The following CHN2 variants were observed in gnomAD, a reference collection of about 807,000 sequenced individuals.
The protein encoded by CHN2 is chimerin 2.
Under a neutral mutation model 56.3 loss-of-function variants are expected in CHN2, and 35 were observed. That is an observed-to-expected ratio of 0.62 (90% CI 0.47 to 0.82). The LOEUF is 0.82. CHN2 is among the 40% of genes least tolerant of loss of function. The pLI, the probability that CHN2 is intolerant of heterozygous loss-of-function variation, is 0.00. For missense variants in CHN2, 491 were observed against 580.5 expected (o/e 0.85, Z 1.58); for synonymous variants, 210 against 212.8 (o/e 0.99, Z 0.12).
intron 8 of CHN2, 133 bp from the exon 9 acceptor site, chr7:29,499,734 G>A (rs960044669): frequency 2.7e-6 from 2 of 728,538 alleles, no homozygotes; most frequent in Non-Finnish European, 4.4e-6. Flanking sequence ...GAGAGTCCTA[G>A]AAACGGGATA....
At chr7:29,341,623 A>G (rs1232064561) in intron 1 of CHN2, among the ~76,000 whole-genome samples, 1 of 148,038 alleles carries the variant, frequency 6.8e-6, no homozygotes, top group Non-Finnish European at 1.5e-5. Context: ...GGAGAGAGGG[A>G]GGGGGGCATC....
chr7:29,354,651 T>C lies in CHN2; in HGVS notation c.76T>C (p.Trp26Arg). 1 of 1,612,092 alleles carries C rather than the reference T, an allele frequency of 6.2e-7. No homozygotes were observed. Among genetic ancestry groups the C allele is most frequent in the Non-Finnish European group, 8.5e-7 (1 of 1,179,248 alleles). Reference sequence around the variant, plus strand: ...TGCTGAAGAATACCAGCCTCCTATATGGAAATCATACTGTGAGTACCTGAA... The same window carrying C: ...TGCTGAAGAATACCAGCCTCCTATACGGAAATCATACTGTGAGTACCTGAA... Reference protein sequence around the residue: ...SDAEEYQPPIWKSYLYQLQQE... With the variant: ...SDAEEYQPPIRKSYLYQLQQE... Residue 26 changes from tryptophan (W) to arginine (R), a missense_variant, in exon 2 of 13, where the codon TGG becomes CGG. By Grantham distance (101) the Trp-to-Arg change is moderately radical. Coordinates refer to ENST00000222792, the MANE Select transcript of CHN2 (RefSeq NM_004067.4).
At chr7:29,404,864 C>T (rs1315171470) in intron 6 of CHN2, among the ~76,000 whole-genome samples, 1 of 151,344 alleles carries the variant, frequency 6.6e-6, no homozygotes, top group Non-Finnish European at 1.5e-5. Flanking sequence ...CGCATCCAGC[C>T]AAAAAAAGCT....
intron 1 of CHN2, among the ~76,000 whole-genome samples, chr7:29,217,283 T>C (rs1378714346): frequency 6.6e-6 from 1 of 152,242 alleles, no homozygotes; most frequent in African/African-American, 2.4e-5. Context: ...CTGCCATTGC[T>C]TCAACACAGT....
intron 1 of CHN2, chr7:29,334,550 T>C (rs1305253523): frequency 1.3e-5 from 2 of 150,960 alleles, no homozygotes; most frequent in East Asian, 2.0e-4. Flanking sequence ...AGCCCAGGAG[T>C]TCAAGACCAG....
intron 6 of CHN2, among the ~76,000 whole-genome samples, chr7:29,437,724 A>G (rs1415199186): frequency 2.8e-5 from 3 of 108,252 alleles, no homozygotes; most frequent in Non-Finnish European, 6.2e-5. Context: ...TTGCTTAGGG[A>G]AAAAAAAAAT....
intron 3 of CHN2, among the ~76,000 whole-genome samples, chr7:29,388,449 T>G (rs1217044536): frequency 6.6e-6 from 1 of 152,122 alleles, no homozygotes; most frequent in African/African-American, 2.4e-5. Flanking sequence ...TGACTGGCTG[T>G]CTGCGCCAGG....
At chr7:29,302,521 TTA>T (rs1173336018) in intron 1 of CHN2, among the ~76,000 whole-genome samples, 1 of 146,266 alleles carries the variant, frequency 6.8e-6, no homozygotes. Context: ...TTTTTTTTTT[TTA>T]AGAGATAGGG....
chr7:29,228,868 G>A (rs141756910), intron 1 of CHN2, among the ~76,000 whole-genome samples: 3 of 152,312 alleles, frequency 2.0e-5, no homozygotes, highest in African/African-American at 4.8e-5. Flanking sequence ...CAAAAAAATG[G>A]GCCTCTGGCG....
intron 2 of CHN2, among the ~76,000 whole-genome samples, chr7:29,367,629 A>G (rs910489439): frequency 1.3e-5 from 2 of 152,172 alleles, no homozygotes; most frequent in Non-Finnish European, 1.5e-5. Context: ...AGTCAAAAGA[A>G]TTTTAGCCAT....
At chr7:29,244,351 A>T (rs1181295184) in intron 1 of CHN2, among the ~76,000 whole-genome samples, 1 of 152,194 alleles carries the variant, frequency 6.6e-6, no homozygotes, top group African/African-American at 2.4e-5. Context: ...ACACAGAGGG[A>T]TGCACCAACC....
intron 1 of CHN2, among the ~76,000 whole-genome samples, chr7:29,276,374 G>T (rs2128854849): frequency 6.6e-6 from 1 of 152,278 alleles, no homozygotes; most frequent in South Asian, 2.1e-4. Context: ...GTCCCATGGG[G>T]CCTGGATATT....
chr7:29,177,976 A>G (rs1797578749), intron 2 of CHN2, among the ~76,000 whole-genome samples: 1 of 152,088 alleles, frequency 6.6e-6, no homozygotes, highest in Non-Finnish European at 1.5e-5. Context: ...TCACCATCAC[A>G]GCAAGTGGCA....
intron 1 of CHN2, among the ~76,000 whole-genome samples, chr7:29,285,491 G>A (rs1026827485): frequency 6.6e-6 from 1 of 152,188 alleles, no homozygotes; most frequent in African/African-American, 2.4e-5. Flanking sequence ...ATAAAATACG[G>A]CAAGCCTAGC....
intron 2 of CHN2, among the ~76,000 whole-genome samples, chr7:29,162,069 C>G (rs981801142): frequency 1.3e-5 from 2 of 152,206 alleles, no homozygotes; most frequent in African/African-American, 4.8e-5. Flanking sequence ...TCAGACATCG[C>G]TGGTGGCAAT....
intron 1 of CHN2, among the ~76,000 whole-genome samples, chr7:29,282,460 C>G (rs2128861146): frequency 6.6e-6 from 1 of 152,294 alleles, no homozygotes; most frequent in Non-Finnish European, 1.5e-5. Context: ...GTTACATTGA[C>G]AAACTAAATT....
intron 1 of CHN2, among the ~76,000 whole-genome samples, chr7:29,304,606 T>C (rs1438720991): frequency 6.6e-6 from 1 of 152,242 alleles, no homozygotes; most frequent in Admixed American, 6.5e-5. Context: ...ATACATTAAA[T>C]GTGCCATTTA....
rs188619582 is a variant in CHN2 at position 29,273,367 on chromosome 7, A to G, written c.49+78377A>G. On this transcript the variant is annotated intron_variant, in intron 1 of 12. Transcript: ENST00000222792. ...TGTATATATATATATATATATATATATATATATATATATATATATATACAC... is the reference window on the plus strand; with the variant it reads ...TGTATATATATATATATATATATATGTATATATATATATATATATATACAC... Among the ~76,000 whole-genome samples, 180 of 50,832 alleles carry G rather than the reference A, an allele frequency of 3.5e-3. 5 individuals are homozygous for G. Among genetic ancestry groups the G allele is most frequent in the African/African-American group, 0.014 (165 of 12,116 alleles). The allele number at this position is 50,832 out of a possible 152,430, so 33.3% of individuals were successfully genotyped here.
chr7:29,317,214 C>T (rs1342164951), intron 1 of CHN2, among the ~76,000 whole-genome samples: 3 of 152,026 alleles, frequency 2.0e-5, no homozygotes, highest in Non-Finnish European at 4.4e-5. Flanking sequence ...GCAAATAGTC[C>T]GAGGCACAGA....
Sources: gnomAD v4.1 joint callset for allele counts (sites outside exome capture counted in the v4.1 genomes callset) on GRCh38, gnomAD v4.1.1 for gene constraint, MANE v1.5 for transcripts, NCBI Gene and HGNC (gene_info 2026-07-23, HGNC 2026-07-21) for gene names.